GSE1: variants seen among roughly 807,000 people sequenced by gnomAD.
The protein encoded by GSE1 is genetic suppressor element 1.
Under a neutral mutation model 112.6 loss-of-function variants are expected in GSE1, and 32 were observed. That is an observed-to-expected ratio of 0.28 (90% CI 0.21 to 0.38). GSE1 has a LOEUF of 0.38. Ranked by LOEUF, GSE1 falls within the 10% of genes least tolerant of loss-of-function variation. The pLI is 1.00. For synonymous variants in GSE1, 1,115 were observed against 735.6 expected (o/e 1.52, Z -8.35); for missense variants, 2,348 against 1,699.2 (o/e 1.38, Z -6.71).
At chr16:85,629,079 C>T (rs2049315400) in intron 1 of GSE1, among the ~76,000 whole-genome samples, 1 of 152,234 alleles carries the variant, frequency 6.6e-6, no homozygotes. Flanking sequence ...TGCTCCCTCT[C>T]TCACCACTGG....
At chr16:85,549,287 G>T (rs1011988508) in intron 2 of GSE1, among the ~76,000 whole-genome samples, 1 of 151,764 alleles carries the variant, frequency 6.6e-6, no homozygotes, top group Non-Finnish European at 1.5e-5. Context: ...AGATCCTGCT[G>T]CCTCAGCTTC....
chr16:85,241,593 C>T lies in GSE1; in HGVS notation c.2283+69786C>T, dbSNP rs577972596. ...CTCTGAATAAACTCTGTCAATTACCCGGTGTGGTCTCCCAGTGCCTGGATT... is the reference window on the plus strand; with the variant it reads ...CTCTGAATAAACTCTGTCAATTACCTGGTGTGGTCTCCCAGTGCCTGGATT... On this transcript the variant is annotated intron_variant, in intron 1 of 2. Transcript: ENST00000637419. Among the ~76,000 whole-genome samples the T allele has an allele frequency of 9.2e-5, 14 of 152,252 alleles. No individual in the cohort carries two copies. The South Asian group carries it at 2.9e-3, about 32-fold the overall frequency.
At chr16:85,259,574 G>C (rs1301214072) in intron 1 of GSE1, among the ~76,000 whole-genome samples, 2 of 152,250 alleles carry the variant, frequency 1.3e-5, no homozygotes, top group African/African-American at 2.4e-5. Flanking sequence ...GAGCTGCCCA[G>C]GGCTAGTGGG....
chr16:85,386,453 TA>T (rs2047690755), intron 2 of GSE1, among the ~76,000 whole-genome samples: 1 of 152,278 alleles, frequency 6.6e-6, no homozygotes, highest in South Asian at 2.1e-4. Context: ...TTTGAGATGA[TA>T]GGGTGAGCTG....
chr16:85,313,957 T>G (rs1228107866), intron 1 of GSE1, among the ~76,000 whole-genome samples: 1 of 140,664 alleles, frequency 7.1e-6, no homozygotes, highest in African/African-American at 3.2e-5. Flanking sequence ...TGACATAGCC[T>G]AGTGTGTGTG....
chr16:85,667,419 C>G (rs781289513), intron 13 of GSE1, among the ~76,000 whole-genome samples: 38 of 152,262 alleles, frequency 2.5e-4, no homozygotes, highest in Non-Finnish European at 5.0e-4. Flanking sequence ...CGCCATGAGA[C>G]AGGGCATGCC....
At chr16:85,241,653 C>A (rs980245379) in intron 1 of GSE1, among the ~76,000 whole-genome samples, 9 of 152,190 alleles carry the variant, frequency 5.9e-5, no homozygotes, top group Admixed American at 3.3e-4. Context: ...AGCCACCGAA[C>A]AGGGATTCAA....
At chr16:85,212,838 C>CA (rs1207368293) in intron 1 of GSE1, among the ~76,000 whole-genome samples, 3 of 152,136 alleles carry the variant, frequency 2.0e-5, no homozygotes, top group Admixed American at 6.5e-5. Flanking sequence ...ATGTCTAGAA[C>CA]AAACTGTAGC....
intron 1 of GSE1, among the ~76,000 whole-genome samples, chr16:85,221,817 C>A (rs1055434862): frequency 1.3e-5 from 2 of 152,222 alleles, no homozygotes; most frequent in African/African-American, 4.8e-5. Flanking sequence ...ACACCCTACC[C>A]CTTGCCGGGG....
chr16:85,503,089 C>G (rs182811012), intron 2 of GSE1, among the ~76,000 whole-genome samples: 1 of 152,150 alleles, frequency 6.6e-6, no homozygotes, highest in African/African-American at 2.4e-5. Context: ...AGGGGTGCCC[C>G]GGGCAGAGGG....
chr16:85,555,428 G>A, upstream of GSE1: 1 of 982,616 alleles, frequency 1.0e-6, no homozygotes, highest in Non-Finnish European at 1.2e-6. Context: ...GAGAGGGGGA[G>A]GGGAGCCGGC....
chr16:85,451,140 G>A (rs1018322510), intron 2 of GSE1, among the ~76,000 whole-genome samples: 3 of 149,132 alleles, frequency 2.0e-5, no homozygotes, highest in African/African-American at 7.4e-5. Flanking sequence ...AGAGCGTTCA[G>A]TCTTTTTAGA....
At chr16:85,341,897 C>T (rs2046631344) in intron 1 of GSE1, among the ~76,000 whole-genome samples, 2 of 152,266 alleles carry the variant, frequency 1.3e-5, no homozygotes, top group Admixed American at 1.3e-4. Context: ...CTAGCCTTGC[C>T]TGCTAACGAG....
intron 2 of GSE1, among the ~76,000 whole-genome samples, chr16:85,476,919 G>A (rs1348011318): frequency 2.1e-5 from 3 of 140,512 alleles, no homozygotes; most frequent in African/African-American, 8.0e-5. Context: ...GGCATCGTAT[G>A]TGGTTCTTTT....
At chr16:85,262,480 C>G (rs540984998) in intron 1 of GSE1, among the ~76,000 whole-genome samples, 1 of 152,204 alleles carries the variant, frequency 6.6e-6, no homozygotes. Context: ...AGCCGCATGC[C>G]GGGACTTCAG....
At chr16:85,465,404 T>C (rs1272930274) in intron 2 of GSE1, among the ~76,000 whole-genome samples, 1 of 152,234 alleles carries the variant, frequency 6.6e-6, no homozygotes, top group African/African-American at 2.4e-5. Flanking sequence ...TCTCCTTCAT[T>C]ACTGCTGTGT....
chr16:85,652,886 G>A (rs901953978), intron 3 of GSE1, among the ~76,000 whole-genome samples: 15 of 152,128 alleles, frequency 9.9e-5, no homozygotes, highest in Admixed American at 8.5e-4. Flanking sequence ...GAGGCAGAGC[G>A]GGGCTGGTGC....
At chr16:85,341,859 G>A (rs1045968976) in intron 1 of GSE1, among the ~76,000 whole-genome samples, 1 of 151,984 alleles carries the variant, frequency 6.6e-6, no homozygotes, top group Non-Finnish European at 1.5e-5. Context: ...AGGGAATAAG[G>A]CCTCGTGGTG....
intron 1 of GSE1, among the ~76,000 whole-genome samples, chr16:85,288,203 G>A (rs1342544080): frequency 6.6e-6 from 1 of 152,142 alleles, no homozygotes; most frequent in East Asian, 1.9e-4. Flanking sequence ...TCACGCCATT[G>A]CACTCCAGCC....
Sources: allele counts gnomAD v4.1 joint callset (sites outside exome capture counted in the v4.1 genomes callset), GRCh38; gene constraint gnomAD v4.1.1; transcripts MANE v1.5; gene names NCBI Gene and HGNC (gene_info 2026-07-23, HGNC 2026-07-21).